The following KATNAL2 variants were observed in gnomAD, a reference collection of about 807,000 sequenced individuals.
The protein encoded by KATNAL2 is katanin catalytic subunit A1 like 2.
KATNAL2 carries 52 observed loss-of-function variants against 76.3 expected under a neutral mutation model. That is an observed-to-expected ratio of 0.68 (90% confidence interval 0.55 to 0.86). The LOEUF (loss-of-function observed/expected upper bound fraction) is 0.86, where lower values mean the gene tolerates loss of function less well. KATNAL2 is among the 40% of genes least tolerant of loss of function. The probability of loss-of-function intolerance (pLI) is 0.00; values close to 1 mark genes in which losing one functional copy is unlikely to be tolerated. For missense variants in KATNAL2, 660 were observed against 668.9 expected (o/e 0.99, Z 0.15); for synonymous variants, 243 against 244.2 (o/e 1.00, Z 0.05).
intron 3 of KATNAL2, among the ~76,000 whole-genome samples, chr18:47,042,057 T>C (rs527616367): frequency 1.3e-5 from 2 of 152,290 alleles, no homozygotes; most frequent in South Asian, 4.2e-4. Context: ...TTTTTTTTAG[T>C]GTTGAATTTA....
chr18:47,092,142 G>A (rs1369396249), intron 15 of KATNAL2, among the ~76,000 whole-genome samples: 1 of 152,140 alleles, frequency 6.6e-6, no homozygotes, highest in African/African-American at 2.4e-5. Flanking sequence ...ATGGCAGGCA[G>A]TAAATACTGC....
At chr18:46,957,024 C>T (rs532626756) in intron 3 of KATNAL2, among the ~76,000 whole-genome samples, 6 of 132,628 alleles carry the variant, frequency 4.5e-5, no homozygotes, top group Middle Eastern at 4.7e-3. Context: ...GACACAAGAG[C>T]GAAACTCCGT....
intron 6 of KATNAL2, among the ~76,000 whole-genome samples, chr18:47,056,073 A>G (rs2061463095): frequency 6.6e-6 from 1 of 152,250 alleles, no homozygotes; most frequent in South Asian, 2.1e-4. Context: ...GAAAAGATTT[A>G]TAATCCCCAC....
rs373378602 is a variant in KATNAL2, at chr18:47,053,040, G to A, written c.283G>A (p.Asp95Asn). The A allele has an allele frequency of 1.2e-4, 190 of 1,598,316 alleles. No individual in the cohort carries two copies. The highest frequency in any genetic ancestry group is 1.6e-4 in the Non-Finnish European group (184 of 1,173,478). The change falls in exon 5 of 18, where the codon GAC (aspartate) becomes AAC (asparagine). Residue 95 changes from aspartate to asparagine, a missense_variant. Transcript: ENST00000683218. Reference sequence around the variant, plus strand: ...CCCCAAAATTGTCAAAAAGTCATCAGACACAGGTACATGCCTATTTTCTAG... The same window carrying A: ...CCCCAAAATTGTCAAAAAGTCATCAAACACAGGTACATGCCTATTTTCTAG... ...KYPKIVKKSSDTAENNLPQRS... is the reference protein window; with the variant it reads ...KYPKIVKKSSNTAENNLPQRS...
At chr18:47,046,585 T>C in intron 4 of KATNAL2, 58 bp downstream of exon 4, 1 of 1,134,486 alleles carries the variant, frequency 8.8e-7, no homozygotes, top group Non-Finnish European at 1.3e-6. Flanking sequence ...TCTCTACTTT[T>C]CCAGATGCGT....
intron 11 of KATNAL2, among the ~76,000 whole-genome samples, chr18:47,067,680 C>T (rs1177417540): frequency 1.3e-5 from 2 of 152,206 alleles, no homozygotes; most frequent in African/African-American, 2.4e-5. Context: ...CAATACTCTC[C>T]ATGTTTGATT....
In KATNAL2 at chr18:46,946,280, G is replaced by T. The variant is rs1215753840; in HGVS notation, c.-286G>T. The T allele has an allele frequency of 3.0e-5, 32 of 1,078,380 alleles. No individual in the cohort carries two copies. Among genetic ancestry groups the T allele is most frequent in the Non-Finnish European group, 3.3e-5 (29 of 882,014 alleles). The allele number at this position is 1,078,380 out of a possible 1,614,324, so 66.8% of individuals were successfully genotyped here. On this transcript the variant is annotated 5_prime_UTR_variant, in exon 2 of 18. Coordinates refer to ENST00000683218, the MANE Select transcript of KATNAL2 (RefSeq NM_001387690.1). ...TTCCACGTCTAATGAGAACAGGTCT[G>T]ATGTGAAAGGAATTGGAGGAGAAGG... is the stretch of plus-strand genomic sequence containing the variant.
chr18:46,935,049 A>G (rs1241886592), intron 1 of KATNAL2, among the ~76,000 whole-genome samples: 1 of 152,222 alleles, frequency 6.6e-6, no homozygotes, highest in East Asian at 1.9e-4. Flanking sequence ...ATACATGGAA[A>G]CAAACATTTT....
intron 3 of KATNAL2, among the ~76,000 whole-genome samples, chr18:46,949,836 A>G (rs2059497033): frequency 6.6e-6 from 1 of 152,120 alleles, no homozygotes; most frequent in Non-Finnish European, 1.5e-5. Context: ...CCACATTAAT[A>G]GCATCTTAGC....
intron 10 of KATNAL2, among the ~76,000 whole-genome samples, chr18:47,065,636 A>T (rs1049074142): frequency 9.2e-5 from 14 of 152,024 alleles, no homozygotes; most frequent in Non-Finnish European, 1.6e-4. Context: ...TGACAGAGTG[A>T]GACTCCATCT....
At position 47,054,430 on chromosome 18, in the gene KATNAL2, G is replaced by A; in HGVS notation, c.324G>A (p.Lys108=). Residue 108 remains lysine, a synonymous_variant, in exon 6 of 18, where the codon AAG becomes AAA. Coordinates refer to ENST00000683218, the MANE Select transcript of KATNAL2 (RefSeq NM_001387690.1). ...ATTTACCGCAAAGAAGTAGAGGGAAGACCAGAAGGTAAAGTGAATGGTAAT... is the reference window on the plus strand; with the variant it reads ...ATTTACCGCAAAGAAGTAGAGGGAAAACCAGAAGGTAAAGTGAATGGTAAT... ...ENNLPQRSRG[K]TRRMMNDSCQ... The A allele has an allele frequency of 6.2e-7, 1 of 1,613,728 alleles. No individual in the cohort carries two copies. Among genetic ancestry groups the A allele is most frequent in the African/African-American group, 1.3e-5 (1 of 75,052 alleles).
intron 10 of KATNAL2, among the ~76,000 whole-genome samples, chr18:47,066,345 A>C (rs1296659910): frequency 6.6e-6 from 1 of 152,166 alleles, no homozygotes; most frequent in African/African-American, 2.4e-5. Flanking sequence ...TAAATTAGTT[A>C]TCAGTAAAAG....
chr18:47,060,717 G>C (rs1181761845), intron 8 of KATNAL2, among the ~76,000 whole-genome samples: 1 of 152,054 alleles, frequency 6.6e-6, no homozygotes, highest in East Asian at 1.9e-4. Context: ...AATTTGGAGG[G>C]GTGACTGGAG....
chr18:46,959,496 T>G (rs1016456439), intron 3 of KATNAL2, among the ~76,000 whole-genome samples: 2 of 152,248 alleles, frequency 1.3e-5, no homozygotes, highest in African/African-American at 4.8e-5. Flanking sequence ...TATACAGACA[T>G]AAATTTGTGT....
intron 15 of KATNAL2, among the ~76,000 whole-genome samples, chr18:47,083,632 A>G (rs1170366229): frequency 3.3e-5 from 5 of 152,252 alleles, no homozygotes; most frequent in African/African-American, 4.8e-5. Context: ...ACCAGAAGAA[A>G]GAACAGCTCT....
In KATNAL2 at chr18:46,926,487, G is replaced by A. The variant is rs1426483753; in HGVS notation, c.-510+8561G>A. On this transcript the variant is annotated intron_variant, in intron 1 of 17. Transcript: ENST00000683218. Reference sequence around the variant, plus strand: ...ATTGCTGTTCTTTTACATTTGCTGAGAAGTGCTTTACTTCCAACTATGTGG... The same window carrying A: ...ATTGCTGTTCTTTTACATTTGCTGAAAAGTGCTTTACTTCCAACTATGTGG... Among the ~76,000 whole-genome samples, 3 of 152,316 alleles carry A rather than the reference G, an allele frequency of 2.0e-5. No homozygotes were observed. The East Asian group carries it at 5.8e-4, about 29-fold the overall frequency.
intron 1 of KATNAL2, among the ~76,000 whole-genome samples, chr18:46,936,484 A>G (rs2146594110): frequency 6.6e-6 from 1 of 152,278 alleles, no homozygotes; most frequent in South Asian, 2.1e-4. Context: ...ATGCACCTGT[A>G]TTCTCAGCTA....
At chr18:47,034,521 C>G (rs747400404) in intron 3 of KATNAL2, 1 of 1,614,216 alleles carries the variant, frequency 6.2e-7, no homozygotes, top group African/African-American at 1.3e-5. Context: ...TCTCCCTGAT[C>G]AAAGTAGGGG....
intron 11 of KATNAL2, among the ~76,000 whole-genome samples, chr18:47,068,238 C>T (rs925761477): frequency 1.3e-5 from 2 of 152,190 alleles, no homozygotes; most frequent in Admixed American, 6.5e-5. Flanking sequence ...CTGTAATCTC[C>T]TGCTGTTAGG....
Sources: gnomAD v4.1 joint callset for allele counts (sites outside exome capture counted in the v4.1 genomes callset) on GRCh38, gnomAD v4.1.1 for gene constraint, MANE v1.5 for transcripts, NCBI Gene and HGNC (gene_info 2026-07-23, HGNC 2026-07-21) for gene names.